The following MYO1F variants were observed in gnomAD, a reference collection of about 807,000 sequenced individuals.
The protein encoded by MYO1F is myosin IF, also known as unconventional myosin-If.
A neutral mutation model predicts 146.6 loss-of-function variants in MYO1F; 60 were observed. The ratio of observed to expected loss-of-function variants is 0.41; its 90% CI spans 0.33 to 0.51. MYO1F has a LOEUF of 0.51. Ranked by LOEUF, MYO1F falls within the 20% of genes least tolerant of loss-of-function variation. MYO1F has a pLI of 0.25. For synonymous variants in MYO1F, 602 were observed against 602.1 expected (o/e 1.00, Z 0.00); for missense variants, 1,274 against 1,534.3 (o/e 0.83, Z 2.83).
intron 12 of MYO1F, among the ~76,000 whole-genome samples, chr19:8,546,384 G>A (rs916117401): frequency 1.1e-4 from 17 of 150,786 alleles, no homozygotes; most frequent in African/African-American, 3.9e-4. Context: ...TTTTGAGACC[G>A]GGTTTTGCTC....
chr19:8,544,009 TGGC>T, intron 14 of MYO1F: 3 of 406,060 alleles, frequency 7.4e-6, no homozygotes, highest in Non-Finnish European at 1.3e-5. Context: ...GTGGTGGCGG[TGGC>T]GGTGGCGGTG....
intron 4 of MYO1F, 121 bp from the exon 5 acceptor site, chr19:8,553,558 G>T: frequency 1.3e-6 from 1 of 798,196 alleles, no homozygotes. Flanking sequence ...TGGGGATACT[G>T]TAATGAACAA....
At chr19:8,551,589 T>A (rs1973613435) in intron 8 of MYO1F, 151 bp downstream of exon 8, 1 of 1,111,248 alleles carries the variant, frequency 9.0e-7, no homozygotes, top group Non-Finnish European at 1.3e-6. Context: ...TGACCTTAAG[T>A]GATCTACCTG....
At chr19:8,526,996 A>G (rs896821189) in intron 22 of MYO1F, 61 bp from the exon 23 acceptor site, 72 of 1,599,398 alleles carry the variant, frequency 4.5e-5, no homozygotes, top group Non-Finnish European at 6.1e-5. Flanking sequence ...GGTGAGAGAG[A>G]CAGATGAAGG....
chr19:8,568,557 C>T lies in MYO1F; in HGVS notation c.3+8750G>A, dbSNP rs1304204870. On this transcript the variant is annotated intron_variant, in intron 1 of 27. Transcript: ENST00000644032. ...GTGATGGATTGGGGTCAAAGCCTGG[C>T]TTGACAGTTGACTGACTGTGTGACT... 6.6e-5 allele frequency among the ~76,000 whole-genome samples: 10 copies of T among 151,788 alleles called. No homozygotes were observed. The East Asian group carries it at 1.9e-3, about 29-fold the overall frequency.
intron 1 of MYO1F, among the ~76,000 whole-genome samples, chr19:8,568,723 C>A (rs1039371565): frequency 1.3e-5 from 2 of 152,066 alleles, no homozygotes; most frequent in African/African-American, 4.8e-5. Context: ...GAGTTCAAGA[C>A]CAGCCTGGCC....
chr19:8,550,010 G>A, intron 10 of MYO1F, 150 bp downstream of exon 10: 1 of 858,528 alleles, frequency 1.2e-6, no homozygotes, highest in Admixed American at 2.0e-5. Context: ...ATGTTGCCCA[G>A]GCTGGTCTTG....
chr19:8,567,218 C>T (rs1242030306), intron 1 of MYO1F, among the ~76,000 whole-genome samples: 1 of 151,836 alleles, frequency 6.6e-6, no homozygotes, highest in Non-Finnish European at 1.5e-5. Flanking sequence ...AGGCACCCAC[C>T]ACCAAGCCTG....
intron 14 of MYO1F, among the ~76,000 whole-genome samples, chr19:8,542,304 G>A (rs1027431032): frequency 1.4e-5 from 2 of 144,838 alleles, no homozygotes; most frequent in African/African-American, 5.2e-5. Context: ...ATCAGAGGCC[G>A]GGGGGCGGTG....
chr19:8,541,709 G>C, intron 15 of MYO1F, 197 bp downstream of exon 15: 2 of 623,154 alleles, frequency 3.2e-6, no homozygotes, highest in Middle Eastern at 4.3e-4. Flanking sequence ...GATTACAGGC[G>C]TGAGCCACTG....
At chr19:8,554,110 C>T (rs965701090) in intron 4 of MYO1F, among the ~76,000 whole-genome samples, 4 of 152,048 alleles carry the variant, frequency 2.6e-5, no homozygotes, top group South Asian at 2.1e-4. Context: ...CAGGCGTGCA[C>T]CACCGTGTCC....
chr19:8,522,740 G>C lies in MYO1F; in HGVS notation c.2944C>G (p.Arg982Gly), dbSNP rs754535521. ...CCCAGGGATGTGGACGGAGGGCCCC[G>C]GGGAGGCCTGTGGGTGCCCCCTCCA... ...MSGGGTHRPP[R>G]GPPSTSLGAS... is the part of the protein sequence containing the mutation. The change falls in exon 26 of 28, where the codon CGG becomes GGG. Residue 982 changes from arginine (R) to glycine (G), a missense_variant. Arg to Gly is a moderately radical substitution (Grantham distance 125). Transcript: ENST00000644032. 1.7e-5 allele frequency: 28 copies of C among 1,612,146 alleles called. No individual in the cohort carries two copies. Among genetic ancestry groups the C allele is most frequent in the Middle Eastern group, 3.4e-4 (2 of 5,866 alleles).
At chr19:8,527,204 A>G (rs1972307237) in intron 22 of MYO1F, 134 bp downstream of exon 22, 1 of 1,265,382 alleles carries the variant, frequency 7.9e-7, no homozygotes. Context: ...GGTGAACATG[A>G]CAGGTGGGGC....
chr19:8,549,738 C>CA (rs1973523217), intron 10 of MYO1F: 2 of 222,396 alleles, frequency 9.0e-6, no homozygotes, highest in Non-Finnish European at 1.8e-5. Flanking sequence ...CTCCAGACCT[C>CA]AAGTGATCCA....
chr19:8,544,000 T>G (rs76741544), intron 14 of MYO1F: 2 of 153,878 alleles, frequency 1.3e-5, no homozygotes, highest in South Asian at 5.5e-5. Flanking sequence ...GTGGTGCTGG[T>G]GGTGGCGGTG....
At chr19:8,565,204 T>C (rs1051241913) in intron 1 of MYO1F, among the ~76,000 whole-genome samples, 5 of 152,014 alleles carry the variant, frequency 3.3e-5, no homozygotes, top group African/African-American at 1.2e-4. Context: ...GCTCATTTCA[T>C]TTTCAAGATG....
At chr19:8,558,202 C>T (rs984025911) in intron 1 of MYO1F, among the ~76,000 whole-genome samples, 1 of 151,964 alleles carries the variant, frequency 6.6e-6, no homozygotes, top group South Asian at 2.1e-4. Flanking sequence ...CTTGTTCTGT[C>T]ACCCAGGCTG....
chr19:8,536,748 G>A (rs1354011343), intron 17 of MYO1F, 151 bp from the exon 18 acceptor site: 27 of 300,800 alleles, frequency 9.0e-5, no homozygotes, highest in African/African-American at 4.6e-4. Flanking sequence ...GGGGGGCTTC[G>A]GGGGTCAGCC....
chr19:8,536,534 G>A lies in MYO1F; in HGVS notation c.1863C>T (p.Phe621=), dbSNP rs201325015. The change falls in exon 18 of 28, where the codon TTC becomes TTT. Residue 621 remains phenylalanine (F), a synonymous_variant. Transcript: ENST00000644032. ...ATTTGGCGAACTGGCGGCGGTAGGCGAAGCCGGCTCTGCGCACCCTGATGT... is the reference window on the plus strand; with the variant it reads ...ATTTGGCGAACTGGCGGCGGTAGGCAAAGCCGGCTCTGCGCACCCTGATGT... ...KENIRVRRAG[F]AYRRQFAKFL... 3.5e-5 allele frequency: 56 copies of A among 1,612,516 alleles called. No individual in the cohort carries two copies. Among genetic ancestry groups the A allele is most frequent in the East Asian group, 4.5e-5 (2 of 44,788 alleles).
Sources: allele counts gnomAD v4.1 joint callset (sites outside exome capture counted in the v4.1 genomes callset), GRCh38; gene constraint gnomAD v4.1.1; transcripts MANE v1.5; gene names NCBI Gene and HGNC (gene_info 2026-07-23, HGNC 2026-07-21).